GGA1: variants seen among roughly 807,000 people sequenced by gnomAD.
GGA1 encodes golgi associated, gamma adaptin ear containing, ARF binding protein 1.
Under a neutral mutation model 76.9 loss-of-function variants are expected in GGA1, and 18 were observed. The observed-to-expected ratio is 0.23, with a 90% confidence interval of 0.16 to 0.35. The LOEUF (loss-of-function observed/expected upper bound fraction) is 0.35, where lower values mean the gene tolerates loss of function less well. Among genes scored for constraint, GGA1 ranks in the 10% least tolerant of loss-of-function variants. The pLI, the probability that GGA1 is intolerant of heterozygous loss-of-function variation, is 1.00. For missense variants in GGA1, 755 were observed against 859.0 expected, an observed-to-expected ratio of 0.88 and a Z score of 1.51; for synonymous variants, 342 against 354.7, an observed-to-expected ratio of 0.96 and a Z score of 0.40.
chr22:37,625,126 C>G lies in GGA1; in HGVS notation c.940+50C>G. ...GAGGGCACCCATCAGGCTGGAGGGG[C>G]ACAGAGAGTGCAGGGTGGTGTGCTG... On this transcript the variant is annotated intron_variant, in intron 10 of 16. Transcript: ENST00000343632. The surrounding 1 kb of genome is among the most constrained non-coding windows in gnomAD (Gnocchi z 4.1). 1 of 1,463,436 alleles carries G rather than the reference C, an allele frequency of 6.8e-7. No individual in the cohort carries two copies. Among genetic ancestry groups the G allele is most frequent in the African/African-American group, 1.4e-5 (1 of 71,602 alleles). The allele number at this position is 1,463,436 out of a possible 1,614,324, so 90.7% of individuals were successfully genotyped here.
chr22:37,626,960 G>A (rs1221670170), intron 11 of GGA1: 2 of 152,288 alleles, frequency 1.3e-5, no homozygotes, highest in African/African-American at 4.8e-5. Flanking sequence ...TCAGGAGTTT[G>A]AAACTAGCCT....
intron 11 of GGA1, among the ~76,000 whole-genome samples, chr22:37,628,838 G>GGTCA (rs1931291256): frequency 6.6e-6 from 1 of 152,212 alleles, no homozygotes; most frequent in Admixed American, 6.5e-5. Flanking sequence ...GGCAGGCAGA[G>GGTCA]GTCAGGCTGG....
intron 13 of GGA1, chr22:37,630,603 G>C (rs1431090074): frequency 4.0e-5 from 19 of 475,178 alleles, no homozygotes; most frequent in East Asian, 4.2e-5. Context: ...GTCTCACCCT[G>C]TCACCCAGGC....
At chr22:37,613,558 G>A (rs1292382931) in intron 1 of GGA1, among the ~76,000 whole-genome samples, 1 of 152,082 alleles carries the variant, frequency 6.6e-6, no homozygotes, top group South Asian at 2.1e-4. Flanking sequence ...CCACCACCAA[G>A]CCCGGCTAAT....
chr22:37,611,458 T>A (rs1344529622), intron 1 of GGA1, among the ~76,000 whole-genome samples: 1 of 152,004 alleles, frequency 6.6e-6, no homozygotes, highest in Admixed American at 6.6e-5. Flanking sequence ...GTACACGGGG[T>A]TTGTTAATCT....
chr22:37,627,901 A>C (rs1931133247), intron 11 of GGA1, among the ~76,000 whole-genome samples: 2 of 152,184 alleles, frequency 1.3e-5, no homozygotes, highest in Admixed American at 1.3e-4. Context: ...GAGGGTGTTC[A>C]GGCAGCCTTA....
At chr22:37,630,875 C>T (rs747413200) in intron 13 of GGA1, 28 bp from the exon 14 acceptor site, 25 of 1,555,748 alleles carry the variant, frequency 1.6e-5, no homozygotes, top group Non-Finnish European at 2.1e-5. Context: ...CCAAGAATCA[C>T]TTCTTAATGC....
At chr22:37,622,209 G>A (rs958932359) in intron 7 of GGA1, among the ~76,000 whole-genome samples, 2 of 151,398 alleles carry the variant, frequency 1.3e-5, no homozygotes, top group Non-Finnish European at 2.9e-5. Context: ...CTCCCAGGCC[G>A]CTGGCACTAA....
intron 14 of GGA1, among the ~76,000 whole-genome samples, chr22:37,631,382 G>A (rs1310466109): frequency 6.6e-6 from 1 of 152,186 alleles, no homozygotes; most frequent in Non-Finnish European, 1.5e-5. Flanking sequence ...CAGGGCCCAG[G>A]ACACAGAGAG....
intron 1 of GGA1, among the ~76,000 whole-genome samples, chr22:37,611,383 C>G (rs1419560979): frequency 6.6e-6 from 1 of 152,122 alleles, no homozygotes; most frequent in Non-Finnish European, 1.5e-5. Context: ...GCAGCCCCCA[C>G]CTCCCAGGCT....
intron 4 of GGA1, 111 bp downstream of exon 4, chr22:37,618,657 C>A: frequency 1.5e-6 from 1 of 655,704 alleles, no homozygotes; most frequent in Non-Finnish European, 2.8e-6. Context: ...TGGGGTGTCA[C>A]CTCAGCCCCC....
chr22:37,627,832 CAG>C (rs774487772), intron 11 of GGA1, among the ~76,000 whole-genome samples: 3 of 152,224 alleles, frequency 2.0e-5, no homozygotes. Context: ...TGGGGCCACA[CAG>C]GGGGCTGGTC....
chr22:37,630,261 G>A (rs999462783), intron 13 of GGA1, 91 bp downstream of exon 13: 2 of 935,932 alleles, frequency 2.1e-6, no homozygotes, highest in Middle Eastern at 2.6e-4. Context: ...GGCCCAGCAG[G>A]GAGAGGCTCG....
intron 11 of GGA1, 152 bp from the exon 12 acceptor site, chr22:37,629,310 T>C: frequency 3.4e-6 from 2 of 588,404 alleles, no homozygotes; most frequent in Non-Finnish European, 5.9e-6. Flanking sequence ...TCTGCTCTGC[T>C]GCTGGTTCCC....
chr22:37,629,496 C>G lies in GGA1; in HGVS notation c.1128C>G (p.Ser376Arg). Reference protein sequence around the residue: ...LSDPTPPSGPSLDGTGWNSFQ... With the variant: ...LSDPTPPSGPRLDGTGWNSFQ... Reference sequence around the variant, plus strand: ...ACCCCACACCCCCTTCAGGCCCAAGCCTGGATGGTACCGGATGGAACAGCT... The same window carrying G: ...ACCCCACACCCCCTTCAGGCCCAAGGCTGGATGGTACCGGATGGAACAGCT... The change falls in exon 12 of 17, where the codon AGC becomes AGG. Residue 376 changes from serine (S) to arginine (R), a missense_variant. Physicochemically the swap from Ser to Arg is moderately radical, Grantham distance 110 (BLOSUM62 -1). Transcript: ENST00000343632. The G allele has an allele frequency of 6.3e-7, 1 of 1,588,784 alleles. No homozygotes were observed. Among genetic ancestry groups the G allele is most frequent in the Admixed American group, 1.8e-5 (1 of 55,352 alleles).
chr22:37,632,751 T>G lies in GGA1; in HGVS notation c.*40T>G. 8.2e-7 allele frequency: 1 copy of G among 1,216,340 alleles called. No homozygotes were observed. Among genetic ancestry groups the G allele is most frequent in the Non-Finnish European group, 1.2e-6 (1 of 837,578 alleles). 75.3% of individuals were successfully genotyped at this position (1,216,340 alleles called of 1,614,324 possible). On this transcript the variant is annotated 3_prime_UTR_variant, in exon 17 of 17. Coordinates refer to ENST00000343632, the MANE Select transcript of GGA1 (RefSeq NM_013365.5). This position sits in a 1 kb window ranked among gnomAD's most constrained non-coding sequence, Gnocchi z 5.1. ...GGAGAGGAAGGGGCAGAGGGACCGG[T>G]CACTGTCCAGCCTGGAGGGAGGCAT...
intron 1 of GGA1, chr22:37,609,468 C>T (rs1318455790): frequency 1.0e-5 from 3 of 285,784 alleles, no homozygotes; most frequent in Admixed American, 6.4e-5. Context: ...ACCCCCGCAC[C>T]CTACAGGCTT....
At chr22:37,608,951 G>A in intron 1 of GGA1, 48 bp downstream of exon 1, 1 of 1,324,780 alleles carries the variant, frequency 7.5e-7, no homozygotes, top group Non-Finnish European at 9.6e-7. Flanking sequence ...GGAACCGGGG[G>A]CACGAGGCGG....
At chr22:37,611,681 A>T (rs1927609726) in intron 1 of GGA1, among the ~76,000 whole-genome samples, 1 of 152,178 alleles carries the variant, frequency 6.6e-6, no homozygotes, top group South Asian at 2.1e-4. Context: ...TCCTGTCCAC[A>T]GATCCTTCTC....
Sources: gnomAD v4.1 joint callset for allele counts (sites outside exome capture counted in the v4.1 genomes callset) on GRCh38, gnomAD v4.1.1 for gene constraint, Gnocchi (gnomAD v3.1) non-coding constraint, MANE v1.5 for transcripts, NCBI Gene and HGNC (gene_info 2026-07-23, HGNC 2026-07-21) for gene names.